NEO1: variants seen among roughly 807,000 people sequenced by gnomAD.
NEO1 encodes neogenin 1.
In NEO1, 63 loss-of-function variants were observed where a neutral mutation model predicts 159.7. The observed-to-expected ratio is 0.39, with a 90% CI of 0.32 to 0.49. The LOEUF (loss-of-function observed/expected upper bound fraction) is 0.49, where lower values mean the gene tolerates loss of function less well. Ranked by LOEUF, NEO1 falls within the 20% of genes least tolerant of loss-of-function variation. The pLI is 0.85. For missense variants in NEO1, 1,615 were observed against 1,831.0 expected, an observed-to-expected ratio of 0.88 and a Z score of 2.15; for synonymous variants, 633 against 662.0, an observed-to-expected ratio of 0.96 and a Z score of 0.67.
chr15:73,056,332 C>T (rs1388193363), intron 1 of NEO1, among the ~76,000 whole-genome samples: 2 of 152,232 alleles, frequency 1.3e-5, no homozygotes, highest in East Asian at 1.9e-4. Flanking sequence ...ATGAATTTTT[C>T]TCTACCAGCT....
intron 7 of NEO1, among the ~76,000 whole-genome samples, chr15:73,183,679 G>A (rs139969693): frequency 3.9e-5 from 6 of 152,076 alleles, no homozygotes; most frequent in African/African-American, 1.4e-4. Flanking sequence ...ACTTTCTACT[G>A]TTTGGGAAAG....
chr15:73,269,858 AAATGAATG>A, intron 16 of NEO1, 144 bp from the exon 17 acceptor site: 4 of 691,434 alleles, frequency 5.8e-6, no homozygotes, highest in Non-Finnish European at 1.0e-5. Flanking sequence ...ATAGTCTTTT[AAATGAATG>A]GTGGTTATCT....
chr15:73,240,391 GA>G (rs1328382782), intron 8 of NEO1, among the ~76,000 whole-genome samples: 2 of 152,194 alleles, frequency 1.3e-5, no homozygotes, highest in Non-Finnish European at 2.9e-5. Context: ...AAAGGAAGAG[GA>G]AGTGCAAGGT....
chr15:73,120,654 G>C (rs930006440), intron 2 of NEO1, among the ~76,000 whole-genome samples: 45 of 145,892 alleles, frequency 3.1e-4, no homozygotes, highest in Non-Finnish European at 3.4e-4. Flanking sequence ...TAACAATCCT[G>C]TGAGGCCTGT....
chr15:73,154,100 G>C (rs1191915617), intron 5 of NEO1, among the ~76,000 whole-genome samples: 1 of 151,588 alleles, frequency 6.6e-6, no homozygotes, highest in African/African-American at 2.4e-5. Flanking sequence ...CATATATTAG[G>C]TCTTATGTCC....
Position 73,249,461 on chromosome 15 carries a change from C to T in NEO1, c.1756-122C>T. The T allele has an allele frequency of 5.3e-6, 6 of 1,131,312 alleles. No individual in the cohort carries two copies. The South Asian group carries it at 6.9e-5, about 13-fold the overall frequency. The allele number at this position is 1,131,312 out of a possible 1,614,324, so 70.1% of individuals were successfully genotyped here. On this transcript the variant is annotated intron_variant, in intron 10 of 28. Transcript: ENST00000261908. ...TCATCTGCTTTGACTATTGAAGAACCTTATGTAGAAGGGATAAAATCTGTT... is the reference window on the plus strand; with the variant it reads ...TCATCTGCTTTGACTATTGAAGAACTTTATGTAGAAGGGATAAAATCTGTT...
intron 7 of NEO1, among the ~76,000 whole-genome samples, chr15:73,181,081 A>G (rs958028229): frequency 2.0e-5 from 3 of 152,102 alleles, no homozygotes; most frequent in African/African-American, 4.8e-5. Flanking sequence ...TGATCAGGGA[A>G]TTTTTTCATG....
At chr15:73,293,255 A>T (rs1016358179) in intron 25 of NEO1, 135 bp from the exon 26 acceptor site, 1 of 960,656 alleles carries the variant, frequency 1.0e-6, no homozygotes, top group Non-Finnish European at 1.6e-6. Context: ...AGATCTAGCC[A>T]GCTGCCACCA....
chr15:73,191,868 T>C (rs1427591528), intron 7 of NEO1, among the ~76,000 whole-genome samples: 1 of 152,044 alleles, frequency 6.6e-6, no homozygotes, highest in Admixed American at 6.6e-5. Context: ...TCTCTTAATA[T>C]TACTTTCTAG....
At position 73,142,707 on chromosome 15, in the gene NEO1, A is replaced by T. The variant is rs552463398; in HGVS notation, c.1015+6680A>T. 3.9e-5 allele frequency among the ~76,000 whole-genome samples: 6 copies of T among 152,326 alleles called. No individual in the cohort carries two copies. In the South Asian group the frequency reaches 1.2e-3, roughly 32 times the overall value. On this transcript the variant is annotated intron_variant, in intron 5 of 28. Coordinates refer to ENST00000261908, the MANE Select transcript of NEO1 (RefSeq NM_002499.4). ...TTGGTAGGGCTTTTAATTTAACCGA[A>T]GGACATCTTTCAACTTTGAGAATAA...
chr15:73,119,314 A>T (rs74671156), intron 2 of NEO1, among the ~76,000 whole-genome samples: 1 of 152,220 alleles, frequency 6.6e-6, no homozygotes, highest in African/African-American at 2.4e-5. Flanking sequence ...CAAATTGCCA[A>T]TCTAAAAGAC....
chr15:73,178,430 A>G lies in NEO1; in HGVS notation c.1291+3A>G, dbSNP rs931048107. 3 of 1,613,354 alleles carry G rather than the reference A, an allele frequency of 1.9e-6. No homozygotes were observed. The highest frequency in any genetic ancestry group is 2.5e-6 in the Non-Finnish European group (3 of 1,179,678). The stretch of plus-strand genomic sequence containing the variant: ...CCAACTGATAATCCTTGAACATGGT[A>G]AGAAGGGCTGAAATAGTCAGATGAT... On this transcript the variant is annotated splice_donor_region_variant and intron_variant, in intron 7 of 28. Coordinates refer to ENST00000261908, the MANE Select transcript of NEO1 (RefSeq NM_002499.4).
intron 26 of NEO1, among the ~76,000 whole-genome samples, chr15:73,295,014 C>T (rs1326816965): frequency 6.6e-6 from 1 of 151,382 alleles, no homozygotes; most frequent in Non-Finnish European, 1.5e-5. Flanking sequence ...CAGTGTGGCT[C>T]ATGCCTGTAA....
chr15:73,279,917 T>C (rs942976805), intron 22 of NEO1, among the ~76,000 whole-genome samples: 3 of 152,090 alleles, frequency 2.0e-5, no homozygotes, highest in Non-Finnish European at 2.9e-5. Context: ...AGGATAGAGA[T>C]TGAGTTGAAA....
chr15:73,301,113 C>T (rs1039339940), intron 27 of NEO1, among the ~76,000 whole-genome samples: 12 of 152,218 alleles, frequency 7.9e-5, no homozygotes, highest in African/African-American at 2.9e-4. Context: ...TATTGGTTTT[C>T]TAGAGACAGT....
At chr15:73,055,598 T>A (rs952293542) in intron 1 of NEO1, among the ~76,000 whole-genome samples, 1 of 152,132 alleles carries the variant, frequency 6.6e-6, no homozygotes, top group Non-Finnish European at 1.5e-5. Flanking sequence ...AGCTAAGGAC[T>A]CTCTTAGTCC....
intron 27 of NEO1, 64 bp downstream of exon 27, chr15:73,298,675 G>A (rs2042475038): frequency 6.3e-7 from 1 of 1,588,732 alleles, no homozygotes. Context: ...GCTCAAGCTT[G>A]GGACAAAGCC....
intron 7 of NEO1, among the ~76,000 whole-genome samples, chr15:73,197,439 CAG>C (rs1257858707): frequency 2.0e-5 from 3 of 152,026 alleles, no homozygotes; most frequent in African/African-American, 7.2e-5. Flanking sequence ...TTTATATATT[CAG>C]AAGCTATGTT....
chr15:73,121,223 C>T (rs922742750), intron 2 of NEO1, among the ~76,000 whole-genome samples: 1 of 152,162 alleles, frequency 6.6e-6, no homozygotes, highest in African/African-American at 2.4e-5. Flanking sequence ...GCCTGTCCTC[C>T]TCCCACACAT....
Sources: gnomAD v4.1 joint callset for allele counts (sites outside exome capture counted in the v4.1 genomes callset) on GRCh38, gnomAD v4.1.1 for gene constraint, MANE v1.5 for transcripts, NCBI Gene and HGNC (gene_info 2026-07-23, HGNC 2026-07-21) for gene names.